IGF2BP3: variants seen among roughly 807,000 people sequenced by gnomAD.
The protein encoded by IGF2BP3 is insulin like growth factor 2 mRNA binding protein 3.
A neutral mutation model predicts 73.8 loss-of-function variants in IGF2BP3; 9 were observed. That is an observed-to-expected ratio of 0.12 (90% confidence interval 0.07 to 0.21). The LOEUF is 0.21. IGF2BP3 is among the 10% of genes least tolerant of loss of function. The pLI is 1.00. For synonymous variants in IGF2BP3, 258 were observed against 256.7 expected, an observed-to-expected ratio of 1.01 and a Z score of -0.05; for missense variants, 542 against 714.0, an observed-to-expected ratio of 0.76 and a Z score of 2.75.
chr7:23,328,763 C>T (rs1784368405), intron 10 of IGF2BP3, among the ~76,000 whole-genome samples: 2 of 152,100 alleles, frequency 1.3e-5, no homozygotes, highest in African/African-American at 2.4e-5. Context: ...ACCTACCTAA[C>T]CTAAAGTAAG....
At chr7:23,320,694 T>C (rs1583878861) in intron 10 of IGF2BP3, among the ~76,000 whole-genome samples, 1 of 135,608 alleles carries the variant, frequency 7.4e-6, no homozygotes, top group Non-Finnish European at 1.6e-5. Flanking sequence ...ATGCCTGTAA[T>C]CCCAGCACTT....
intron 6 of IGF2BP3, among the ~76,000 whole-genome samples, chr7:23,350,888 C>T (rs1027171830): frequency 2.6e-5 from 4 of 152,116 alleles, no homozygotes; most frequent in African/African-American, 7.2e-5. Flanking sequence ...ATTCTTTATT[C>T]GAGTAAGGCA....
At chr7:23,345,828 C>T (rs958168865) in intron 8 of IGF2BP3, 112 bp downstream of exon 8, 112 of 1,239,708 alleles carry the variant, frequency 9.0e-5, no homozygotes, top group South Asian at 2.1e-4. Context: ...TGTGTAAGTA[C>T]GGCAGCACAG....
rs765905230 is a variant in IGF2BP3, at chr7:23,424,210, AT to A, written c.237-5387del. On this transcript the variant is annotated intron_variant, in intron 2 of 14. Transcript: ENST00000258729. ...TAGTTCTCAGGCTAATAGATTAAAAATTTAAAGGCCAGGCGCAGTGGCTCAA... is the reference window on the plus strand; with the variant it reads ...TAGTTCTCAGGCTAATAGATTAAAAATTAAAGGCCAGGCGCAGTGGCTCAA... Among the ~76,000 whole-genome samples the A allele has an allele frequency of 2.6e-5, 4 of 152,066 alleles. 1 individual carries two copies. The South Asian group carries it at 8.3e-4, about 32-fold the overall frequency.
chr7:23,372,273 C>T (rs1379826757), intron 3 of IGF2BP3, among the ~76,000 whole-genome samples: 1 of 152,128 alleles, frequency 6.6e-6, no homozygotes, highest in Non-Finnish European at 1.5e-5. Flanking sequence ...TGGGGTTTCA[C>T]TATGTTGGCC....
At chr7:23,362,904 C>T (rs1177511102) in intron 3 of IGF2BP3, among the ~76,000 whole-genome samples, 1 of 152,068 alleles carries the variant, frequency 6.6e-6, no homozygotes, top group Non-Finnish European at 1.5e-5. Flanking sequence ...CAGGTGCACG[C>T]CGCCACCCTC....
chr7:23,406,184 G>T (rs139178065), intron 3 of IGF2BP3, among the ~76,000 whole-genome samples: 2 of 152,108 alleles, frequency 1.3e-5, no homozygotes, highest in Non-Finnish European at 2.9e-5. Context: ...AGTTCCAAGG[G>T]GATGGATTGA....
intron 3 of IGF2BP3, among the ~76,000 whole-genome samples, chr7:23,417,873 A>G (rs1338407602): frequency 6.6e-6 from 1 of 152,326 alleles, no homozygotes; most frequent in Admixed American, 6.5e-5. Flanking sequence ...TTCAGCATAT[A>G]CCAAAAACCA....
chr7:23,388,139 G>T lies in IGF2BP3; in HGVS notation c.286-26398C>A, dbSNP rs1352879456. Among the ~76,000 whole-genome samples, 3 of 151,858 alleles carry T rather than the reference G, an allele frequency of 2.0e-5. No individual in the cohort carries two copies. In the East Asian group the frequency reaches 5.8e-4, roughly 29 times the overall value. ...GTTTTAGTAGAGGCGGGGTTTCACC[G>T]TGTTAGCCAGGATGGTCTCAATCTC... On this transcript the variant is annotated intron_variant, in intron 3 of 14. Transcript: ENST00000258729.
chr7:23,320,880 G>A (rs1472567408), intron 10 of IGF2BP3, among the ~76,000 whole-genome samples: 2 of 145,174 alleles, frequency 1.4e-5, no homozygotes, highest in East Asian at 4.0e-4. Context: ...AGCCCAGGTG[G>A]TTCAGGATGC....
intron 3 of IGF2BP3, among the ~76,000 whole-genome samples, chr7:23,387,835 G>A (rs963658002): frequency 1.3e-5 from 2 of 152,186 alleles, no homozygotes; most frequent in African/African-American, 2.4e-5. Flanking sequence ...AGGATGCAGA[G>A]CAATTTTAGA....
At chr7:23,467,560 G>GA (rs555775796) in intron 2 of IGF2BP3, among the ~76,000 whole-genome samples, 92 of 152,264 alleles carry the variant, frequency 6.0e-4, no homozygotes, top group African/African-American at 2.2e-3. Flanking sequence ...GTTAGAGCCG[G>GA]AATCTATGGT....
chr7:23,422,397 G>A (rs759755096), intron 2 of IGF2BP3, among the ~76,000 whole-genome samples: 1 of 152,080 alleles, frequency 6.6e-6, no homozygotes. Context: ...CTTAAGGCCA[G>A]GAGTAAAATT....
chr7:23,395,444 C>A (rs1786421898), intron 3 of IGF2BP3, among the ~76,000 whole-genome samples: 1 of 152,054 alleles, frequency 6.6e-6, no homozygotes, highest in South Asian at 2.1e-4. Context: ...GTAAGAACTT[C>A]AGTGATTTCT....
intron 2 of IGF2BP3, among the ~76,000 whole-genome samples, chr7:23,452,921 G>A (rs1393626116): frequency 1.3e-5 from 2 of 151,908 alleles, no homozygotes; most frequent in Non-Finnish European, 2.9e-5. Context: ...AGACCATCCT[G>A]GCCAACATGG....
At chr7:23,339,226 C>T in intron 10 of IGF2BP3, among the ~76,000 whole-genome samples, 1 of 152,226 alleles carries the variant, frequency 6.6e-6, no homozygotes. Flanking sequence ...CTTACATTTA[C>T]TCTTGGCTCA....
intron 3 of IGF2BP3, chr7:23,415,347 C>CA: frequency 4.2e-6 from 1 of 239,040 alleles, no homozygotes; most frequent in Non-Finnish European, 8.4e-6. Flanking sequence ...TCCGCAGGTC[C>CA]CGTCCATCAG....
chr7:23,317,748 C>A (rs758838751), intron 11 of IGF2BP3, 35 bp from the exon 12 acceptor site: 10 of 1,542,452 alleles, frequency 6.5e-6, no homozygotes, highest in African/African-American at 2.7e-5. Flanking sequence ...ATGATACTTT[C>A]AGGTATCACT....
chr7:23,409,284 G>C (rs1786942583), intron 3 of IGF2BP3, among the ~76,000 whole-genome samples: 1 of 152,158 alleles, frequency 6.6e-6, no homozygotes, highest in Admixed American at 6.5e-5. Context: ...AGTGAAATAA[G>C]CCAGTCATAA....
Sources: gnomAD v4.1 joint callset for allele counts (sites outside exome capture counted in the v4.1 genomes callset) on GRCh38, gnomAD v4.1.1 for gene constraint, MANE v1.5 for transcripts, NCBI Gene and HGNC (gene_info 2026-07-23, HGNC 2026-07-21) for gene names.